The following SUMF1 variants were observed in gnomAD, a reference collection of about 807,000 sequenced individuals.
SUMF1 encodes the protein formylglycine-generating enzyme.
Under a neutral mutation model 47.6 loss-of-function variants are expected in SUMF1, and 48 were observed. The observed-to-expected ratio is 1.01, with a 90% CI of 0.80 to 1.28. The LOEUF (loss-of-function observed/expected upper bound fraction) is 1.28, where lower values mean the gene tolerates loss of function less well. Among genes scored for constraint, SUMF1 ranks in the 50% most tolerant of loss-of-function variants. SUMF1 has a pLI of 0.00. For missense variants in SUMF1, 571 were observed against 485.4 expected (o/e 1.18, Z -1.66); for synonymous variants, 230 against 192.1 (o/e 1.20, Z -1.63).
At chr3:4,395,206 T>C (rs1224135415) in intron 7 of SUMF1, among the ~76,000 whole-genome samples, 1 of 152,198 alleles carries the variant, frequency 6.6e-6, no homozygotes, top group Non-Finnish European at 1.5e-5. Context: ...CATCACACTG[T>C]GGCACCTGCA....
intron 8 of SUMF1, among the ~76,000 whole-genome samples, chr3:4,205,969 C>T (rs907441118): frequency 3.2e-4 from 49 of 152,044 alleles, no homozygotes; most frequent in Non-Finnish European, 6.3e-4. Flanking sequence ...ACTCTTTAGT[C>T]AGCAGATGAT....
intron 8 of SUMF1, among the ~76,000 whole-genome samples, chr3:4,200,865 A>C (rs1412999325): frequency 6.6e-6 from 1 of 152,090 alleles, no homozygotes; most frequent in East Asian, 1.9e-4. Context: ...AAATGTGTGG[A>C]TTCATTTCTA....
At chr3:4,296,160 A>G (rs1298464235) in intron 8 of SUMF1, among the ~76,000 whole-genome samples, 1 of 152,050 alleles carries the variant, frequency 6.6e-6, no homozygotes, top group Admixed American at 6.6e-5. Flanking sequence ...GTGCTATAGA[A>G]GTATTAGCCA....
At chr3:4,145,704 C>T (rs1315923766) in intron 8 of SUMF1, among the ~76,000 whole-genome samples, 1 of 152,150 alleles carries the variant, frequency 6.6e-6, no homozygotes. Context: ...CATATTCAAA[C>T]CTCAATCCAG....
chr3:4,044,912 G>A (rs952224376), intron 9 of SUMF1, among the ~76,000 whole-genome samples: 1 of 152,062 alleles, frequency 6.6e-6, no homozygotes, highest in African/African-American at 2.4e-5. Context: ...GAAATTTAAG[G>A]ACTGGAAAAA....
chr3:4,440,243 C>CAAAAAAAAAAAAAA (rs758476250), intron 3 of SUMF1, among the ~76,000 whole-genome samples: 1 of 30,626 alleles, frequency 3.3e-5, no homozygotes. Context: ...GACTCTGTCT[C>CAAAAAAAAAAAAAA]AAAAAAAAAA....
chr3:4,279,849 A>C (rs1697492056), intron 8 of SUMF1, among the ~76,000 whole-genome samples: 1 of 152,206 alleles, frequency 6.6e-6, no homozygotes, highest in African/African-American at 2.4e-5. Flanking sequence ...TTAGTGTACC[A>C]GATGGCATAC....
chr3:4,260,999 T>G (rs1170147066), intron 8 of SUMF1, among the ~76,000 whole-genome samples: 2 of 152,166 alleles, frequency 1.3e-5, no homozygotes, highest in East Asian at 3.9e-4. Flanking sequence ...AATAGAACCA[T>G]AAAAGTTTTT....
Position 4,392,065 on chromosome 3 carries a change from C to T in SUMF1, c.955-15676G>A, listed in dbSNP as rs527823175. On this transcript the variant is annotated intron_variant, in intron 7 of 8. Transcript: ENST00000272902. ...TTGGTCTCAAACTCCCAGGCTCAAG[C>T]GATCCACTCGCCTCAGCCTCCCAAA... is the stretch of plus-strand genomic sequence containing the variant. 3.0e-3 allele frequency among the ~76,000 whole-genome samples: 457 copies of T among 152,142 alleles called. 4 individuals carry two copies. The highest frequency in any genetic ancestry group is 0.011 in the African/African-American group (439 of 41,530).
chr3:4,393,985 C>T (rs1285826226), intron 7 of SUMF1, among the ~76,000 whole-genome samples: 1 of 152,028 alleles, frequency 6.6e-6, no homozygotes, highest in Non-Finnish European at 1.5e-5. Context: ...TCCTGATTCT[C>T]AACAAGCCAA....
chr3:4,317,241 G>T (rs1314655826), intron 8 of SUMF1: 3 of 1,530,416 alleles, frequency 2.0e-6, no homozygotes, highest in South Asian at 1.2e-5. Flanking sequence ...TTCCTATTTT[G>T]ATTAATAAAA....
intron 8 of SUMF1, among the ~76,000 whole-genome samples, chr3:4,306,304 G>C (rs1035802898): frequency 1.3e-5 from 2 of 152,002 alleles, no homozygotes; most frequent in Admixed American, 6.5e-5. Context: ...AATTATATAA[G>C]TATCTCCCTT....
intron 8 of SUMF1, among the ~76,000 whole-genome samples, chr3:4,214,150 T>C (rs1695863661): frequency 6.6e-6 from 1 of 152,122 alleles, no homozygotes; most frequent in African/African-American, 2.4e-5. Flanking sequence ...ATTGACCACA[T>C]AATTGGAAGG....
At chr3:4,136,765 A>T (rs1410218065) in intron 8 of SUMF1, among the ~76,000 whole-genome samples, 2 of 150,976 alleles carry the variant, frequency 1.3e-5, no homozygotes, top group Non-Finnish European at 3.0e-5. Flanking sequence ...GAACTCAAAC[A>T]AATTTACAAG....
At chr3:4,283,750 C>G (rs1249239432) in intron 8 of SUMF1, among the ~76,000 whole-genome samples, 2 of 152,136 alleles carry the variant, frequency 1.3e-5, no homozygotes, top group Non-Finnish European at 1.5e-5. Flanking sequence ...ATACTGTAGA[C>G]TGGGTAGCTT....
chr3:4,264,065 G>T (rs1033361708), intron 8 of SUMF1, among the ~76,000 whole-genome samples: 4 of 152,118 alleles, frequency 2.6e-5, no homozygotes, highest in African/African-American at 7.2e-5. Context: ...CAAAAGAGAA[G>T]AGGAAAATGG....
intron 8 of SUMF1, among the ~76,000 whole-genome samples, chr3:4,095,782 C>T (rs1267163644): frequency 1.3e-5 from 2 of 152,080 alleles, no homozygotes; most frequent in Non-Finnish European, 2.9e-5. Flanking sequence ...GACCTCTAAG[C>T]CTGTAAAAAT....
At chr3:4,321,470 TAAAAAAAAAAAA>T (rs1206478992) in intron 8 of SUMF1, among the ~76,000 whole-genome samples, 4 of 63,742 alleles carry the variant, frequency 6.3e-5, no homozygotes, top group Admixed American at 2.0e-4. Flanking sequence ...AAGGAAATGC[TAAAAAAAAAAAA>T]AAAAAAAAAA....
chr3:4,445,192 A>G lies in SUMF1; in HGVS notation c.519+4074T>C, dbSNP rs541556470. Among the ~76,000 whole-genome samples, 10 of 152,332 alleles carry G rather than the reference A, an allele frequency of 6.6e-5. No individual in the cohort carries two copies. The East Asian group carries it at 1.7e-3, about 26-fold the overall frequency. ...TCTAGTTGTGAAACTGGACTATATA[A>G]AAAATATGGAATTATACACTTAGTA... On this transcript the variant is annotated intron_variant, in intron 3 of 8. Coordinates refer to ENST00000272902, the MANE Select transcript of SUMF1 (RefSeq NM_182760.4).
Sources: allele counts gnomAD v4.1 joint callset (sites outside exome capture counted in the v4.1 genomes callset), GRCh38; gene constraint gnomAD v4.1.1; transcripts MANE v1.5; gene names NCBI Gene and HGNC (gene_info 2026-07-23, HGNC 2026-07-21).